The following RABGAP1L variants were observed in gnomAD, a reference collection of about 807,000 sequenced individuals.
RABGAP1L encodes RAB GTPase activating protein 1 like, also known as rab GTPase-activating protein 1-like.
RABGAP1L carries 63 observed loss-of-function variants against 137.7 expected under a neutral mutation model. The ratio of observed to expected loss-of-function variants is 0.46; its 90% CI spans 0.37 to 0.56. The LOEUF (loss-of-function observed/expected upper bound fraction) is 0.56. RABGAP1L is among the 20% of genes least tolerant of loss of function. The pLI is 0.00. For missense variants in RABGAP1L, 1,095 were observed against 1,244.0 expected, an observed-to-expected ratio of 0.88 and a Z score of 1.80; for synonymous variants, 431 against 433.7, an observed-to-expected ratio of 0.99 and a Z score of 0.08.
At position 174,586,914 on chromosome 1, in the gene RABGAP1L, A is replaced by C. The variant is rs181689643; in HGVS notation, c.1711-50461A>C. On this transcript the variant is annotated intron_variant, in intron 13 of 25. Coordinates refer to ENST00000681986, the MANE Select transcript of RABGAP1L (RefSeq NM_001366446.1). ...CCTGGCCAAATGATCTGTTTTAAAAAGTACAATATGAGTGTGATGTTCCCC... is the reference window on the plus strand; with the variant it reads ...CCTGGCCAAATGATCTGTTTTAAAACGTACAATATGAGTGTGATGTTCCCC... 9.5e-4 allele frequency among the ~76,000 whole-genome samples: 145 copies of C among 152,270 alleles called. 1 individual carries two copies. Among genetic ancestry groups the C allele is most frequent in the Admixed American group, 9.4e-3 (143 of 15,284 alleles).
chr1:174,372,724 G>T (rs1411690402), intron 12 of RABGAP1L, among the ~76,000 whole-genome samples: 1 of 151,958 alleles, frequency 6.6e-6, no homozygotes, highest in Non-Finnish European at 1.5e-5. Context: ...CAGCTTTTAG[G>T]TTTTATTTTC....
At chr1:174,172,704 T>A (rs1243835685) in intron 1 of RABGAP1L, among the ~76,000 whole-genome samples, 1 of 152,186 alleles carries the variant, frequency 6.6e-6, no homozygotes, top group Non-Finnish European at 1.5e-5. Context: ...TATTTCGTTT[T>A]GTTTTGTTTT....
chr1:174,182,221 CTG>C (rs1666430079), intron 1 of RABGAP1L, among the ~76,000 whole-genome samples: 2 of 151,872 alleles, frequency 1.3e-5, no homozygotes, highest in South Asian at 4.1e-4. Flanking sequence ...TGGGAAGAAA[CTG>C]AGGAGATTCG....
chr1:174,819,583 CAA>C (rs1690809127), intron 19 of RABGAP1L, among the ~76,000 whole-genome samples: 1 of 152,140 alleles, frequency 6.6e-6, no homozygotes, highest in African/African-American at 2.4e-5. Flanking sequence ...GACCTTGACT[CAA>C]TGATCTAGAG....
chr1:174,784,109 TC>T (rs927408952), intron 18 of RABGAP1L, among the ~76,000 whole-genome samples: 7 of 128,022 alleles, frequency 5.5e-5, no homozygotes, highest in African/African-American at 2.1e-4. Flanking sequence ...AAGCTCCGCC[TC>T]CCGGGTTCAG....
chr1:174,201,757 C>G (rs1170046151), intron 1 of RABGAP1L, among the ~76,000 whole-genome samples: 3 of 149,526 alleles, frequency 2.0e-5, no homozygotes, highest in Non-Finnish European at 4.4e-5. Flanking sequence ...CCCATTAACT[C>G]GTCATTTAGC....
chr1:174,194,087 A>G (rs548475337), intron 1 of RABGAP1L, among the ~76,000 whole-genome samples: 6 of 152,296 alleles, frequency 3.9e-5, no homozygotes, highest in Admixed American at 3.3e-4. Flanking sequence ...AGTGCCCAGC[A>G]TGGGGTCAAC....
chr1:174,914,673 G>C (rs571595059), intron 19 of RABGAP1L, among the ~76,000 whole-genome samples: 1 of 152,040 alleles, frequency 6.6e-6, no homozygotes, highest in South Asian at 2.1e-4. Context: ...TTTTTCAACA[G>C]CCTTATAAAG....
intron 13 of RABGAP1L, among the ~76,000 whole-genome samples, chr1:174,437,196 G>A (rs946859448): frequency 1.3e-5 from 2 of 152,212 alleles, no homozygotes; most frequent in Non-Finnish European, 2.9e-5. Context: ...CTCCTCACCA[G>A]CAACGGAACA....
chr1:174,625,159 A>G (rs531444853), intron 13 of RABGAP1L, among the ~76,000 whole-genome samples: 4 of 152,206 alleles, frequency 2.6e-5, no homozygotes, highest in African/African-American at 7.2e-5. Context: ...GGCATGAGCA[A>G]CTGTGCCTGG....
chr1:174,237,028 C>T (rs1415041996), intron 4 of RABGAP1L, among the ~76,000 whole-genome samples: 21 of 131,908 alleles, frequency 1.6e-4, no homozygotes, highest in African/African-American at 5.8e-4. Flanking sequence ...ATGTAATGGC[C>T]TTCTTTGTCT....
At chr1:174,711,500 C>T (rs1210536073) in intron 17 of RABGAP1L, among the ~76,000 whole-genome samples, 1 of 152,146 alleles carries the variant, frequency 6.6e-6, no homozygotes, top group Non-Finnish European at 1.5e-5. Flanking sequence ...AGCGGCTGGC[C>T]TGCGCTGCTG....
At chr1:174,962,201 C>G (rs1420490901) in intron 20 of RABGAP1L, among the ~76,000 whole-genome samples, 1 of 108,156 alleles carries the variant, frequency 9.2e-6, no homozygotes, top group Non-Finnish European at 2.0e-5. Flanking sequence ...AATACACCCC[C>G]CCCCCACACA....
chr1:174,243,125 GA>G (rs1397278495), intron 5 of RABGAP1L: 5 of 152,096 alleles, frequency 3.3e-5, no homozygotes, highest in African/African-American at 1.2e-4. Context: ...TGGAGAGAGA[GA>G]AATGCTGCTG....
chr1:174,214,006 A>G (rs1669099007), intron 1 of RABGAP1L, among the ~76,000 whole-genome samples: 1 of 152,206 alleles, frequency 6.6e-6, no homozygotes, highest in Admixed American at 6.5e-5. Context: ...ATCAGACAAG[A>G]GAAAGCAATA....
rs1303889464 is a variant in RABGAP1L, at chr1:174,837,619, C to G, written c.2340+25659C>G. Among the ~76,000 whole-genome samples, 3 of 152,314 alleles carry G rather than the reference C, an allele frequency of 2.0e-5. No individual in the cohort carries two copies. The East Asian group carries it at 5.8e-4, about 29-fold the overall frequency. ...ATGGTTAGATTTGGGCAAACAAATGCTATGCCAAATATGGCATTTATTGCC... is the reference window on the plus strand; with the variant it reads ...ATGGTTAGATTTGGGCAAACAAATGGTATGCCAAATATGGCATTTATTGCC... On this transcript the variant is annotated intron_variant, in intron 19 of 25. Transcript: ENST00000681986.
At chr1:174,363,256 G>A (rs2148970615) in intron 11 of RABGAP1L, among the ~76,000 whole-genome samples, 1 of 152,208 alleles carries the variant, frequency 6.6e-6, no homozygotes, top group South Asian at 2.1e-4. Context: ...GGATTGCCTT[G>A]GCTATTCAAG....
chr1:174,664,937 A>G (rs1483769627), intron 14 of RABGAP1L, among the ~76,000 whole-genome samples: 2 of 151,618 alleles, frequency 1.3e-5, no homozygotes, highest in Non-Finnish European at 1.5e-5. Flanking sequence ...GGGTTTCTCC[A>G]TGTTGGTCAG....
intron 17 of RABGAP1L, among the ~76,000 whole-genome samples, chr1:174,702,518 A>G (rs916587242): frequency 6.6e-6 from 1 of 152,228 alleles, no homozygotes; most frequent in African/African-American, 2.4e-5. Flanking sequence ...TAATAAGCCT[A>G]TATCTGTATA....
Sources: gnomAD v4.1 joint callset for allele counts (sites outside exome capture counted in the v4.1 genomes callset) on GRCh38, gnomAD v4.1.1 for gene constraint, MANE v1.5 for transcripts, NCBI Gene and HGNC (gene_info 2026-07-23, HGNC 2026-07-21) for gene names.